PLXDC1: variants seen among roughly 807,000 people sequenced by gnomAD.
PLXDC1 encodes the protein plexin domain-containing protein 1.
Under a neutral mutation model 61.3 loss-of-function variants are expected in PLXDC1, and 39 were observed. That is an observed-to-expected ratio of 0.64 (90% CI 0.49 to 0.83). The LOEUF (loss-of-function observed/expected upper bound fraction) is 0.83. Among genes scored for constraint, PLXDC1 ranks in the 40% least tolerant of loss-of-function variants. PLXDC1 has a pLI of 0.00. For synonymous variants in PLXDC1, 212 were observed against 254.5 expected, an observed-to-expected ratio of 0.83 and a Z score of 1.59; for missense variants, 596 against 666.5, an observed-to-expected ratio of 0.89 and a Z score of 1.17.
intron 9 of PLXDC1, among the ~76,000 whole-genome samples, chr17:39,082,708 C>G (rs1400771090): frequency 6.6e-6 from 1 of 152,200 alleles, no homozygotes; most frequent in Non-Finnish European, 1.5e-5. Flanking sequence ...CATGAGAACT[C>G]TAGTCCCCAA....
At chr17:39,096,695 G>A (rs1291945475) in intron 7 of PLXDC1, among the ~76,000 whole-genome samples, 1 of 152,228 alleles carries the variant, frequency 6.6e-6, no homozygotes, top group African/African-American at 2.4e-5. Flanking sequence ...CTACATTCTG[G>A]AGCTCTTTGT....
At chr17:39,143,659 G>A in intron 1 of PLXDC1, among the ~76,000 whole-genome samples, 1 of 152,242 alleles carries the variant, frequency 6.6e-6, no homozygotes, top group East Asian at 1.9e-4. Flanking sequence ...ATTAGACATT[G>A]TATCCAATTA....
In PLXDC1 at chr17:39,108,645, G is replaced by A. The variant is rs904117673; in HGVS notation, c.469+259C>T. On this transcript the variant is annotated intron_variant, in intron 4 of 13. Coordinates refer to ENST00000315392, the MANE Select transcript of PLXDC1 (RefSeq NM_020405.5). The stretch of plus-strand genomic sequence containing the variant: ...CCTCTCCCTCTTATTCAGCAACTCC[G>A]GGACACAGGGCTGTCCACACTGACT... 24 of 539,842 alleles carry A rather than the reference G, an allele frequency of 4.4e-5. 1 individual carries two copies. In the Admixed American group the frequency reaches 5.0e-4, roughly 11 times the overall value. The allele number at this position is 539,842 out of a possible 1,614,324, so 33.4% of individuals were successfully genotyped here. A position where few individuals can be genotyped will look rare whatever the true frequency, so the allele number is the denominator to read the frequency against.
chr17:39,142,687 GTTA>G (rs1911973151), intron 1 of PLXDC1, among the ~76,000 whole-genome samples: 1 of 152,134 alleles, frequency 6.6e-6, no homozygotes, highest in Non-Finnish European at 1.5e-5. Flanking sequence ...CACCCGGCTA[GTTA>G]TTATTATTTT....
At chr17:39,104,119 T>C (rs892290178) in intron 7 of PLXDC1, among the ~76,000 whole-genome samples, 25 of 152,300 alleles carry the variant, frequency 1.6e-4, no homozygotes, top group African/African-American at 5.5e-4. Context: ...AAGTCTACTG[T>C]AGTGAGATAT....
chr17:39,112,672 A>C (rs1050099866), intron 2 of PLXDC1, among the ~76,000 whole-genome samples: 4 of 151,924 alleles, frequency 2.6e-5, no homozygotes, highest in African/African-American at 9.7e-5. Flanking sequence ...AGCCCCTGAC[A>C]CGCAGGGATG....
chr17:39,124,335 G>A (rs1911255429), intron 2 of PLXDC1, among the ~76,000 whole-genome samples: 1 of 152,368 alleles, frequency 6.6e-6, no homozygotes, highest in South Asian at 2.1e-4. Flanking sequence ...GCTCACGCCT[G>A]TAATCCCAAT....
rs1469449886 is a variant in PLXDC1, at chr17:39,083,917, C to T, written c.908-377G>A. On this transcript the variant is annotated intron_variant, in intron 8 of 13. Transcript: ENST00000315392. ...GTTCCCTGCCTCCCTCGCTTCCTCC[C>T]TCCCTAGCTTCCTTCCTTCTCACTA... Among the ~76,000 whole-genome samples, 4 of 152,176 alleles carry T rather than the reference C, an allele frequency of 2.6e-5. No individual in the cohort carries two copies. The East Asian group carries it at 7.7e-4, about 29-fold the overall frequency.
intron 2 of PLXDC1, among the ~76,000 whole-genome samples, chr17:39,121,703 A>G (rs1271126699): frequency 6.6e-6 from 1 of 152,206 alleles, no homozygotes; most frequent in African/African-American, 2.4e-5. Context: ...GCTCCCAGTT[A>G]TAGCTAGGCA....
intron 11 of PLXDC1, among the ~76,000 whole-genome samples, chr17:39,075,936 G>T (rs532573286): frequency 6.6e-6 from 1 of 152,206 alleles, no homozygotes; most frequent in Admixed American, 6.5e-5. Flanking sequence ...AAATTAGCTG[G>T]GTGTGGTGGT....
rs962071674 is a variant in PLXDC1 at position 39,067,636 on chromosome 17, T to TA, written c.*203dup. 56 of 522,234 alleles carry TA rather than the reference T, an allele frequency of 1.1e-4. No individual in the cohort carries two copies. The highest frequency in any genetic ancestry group is 4.0e-4 in the African/African-American group (21 of 52,776). The allele number at this position is 522,234 out of a possible 1,614,324, so 32.4% of individuals were successfully genotyped here. ...GGATGAGATTAGGTTGTTGTTCCTA[T>TA]AAAAAATCCATGTGGTTGTTTTTTG... On this transcript the variant is annotated 3_prime_UTR_variant, in exon 14 of 14. Transcript: ENST00000315392.
Position 39,137,063 on chromosome 17 carries a change from G to C in PLXDC1, c.255+2591C>G, listed in dbSNP as rs188882088. Among the ~76,000 whole-genome samples the C allele has an allele frequency of 3.1e-4, 47 of 152,266 alleles. No individual in the cohort carries two copies. In the East Asian group the frequency reaches 8.1e-3, roughly 26 times the overall value. ...GAAACAGTCCCCCAACGTCCAGCAT[G>C]GCAAACAAAAACAGCCAGAGAAGGT... On this transcript the variant is annotated intron_variant, in intron 2 of 13. Coordinates refer to ENST00000315392, the MANE Select transcript of PLXDC1 (RefSeq NM_020405.5).
intron 4 of PLXDC1, chr17:39,108,653 G>A (rs1910682625): frequency 1.8e-6 from 1 of 556,660 alleles, no homozygotes; most frequent in Admixed American, 3.1e-5. Flanking sequence ...CCGGGACACA[G>A]GGCTGTCCAC....
At chr17:39,134,123 A>C (rs183082921) in intron 2 of PLXDC1, among the ~76,000 whole-genome samples, 1 of 151,868 alleles carries the variant, frequency 6.6e-6, no homozygotes, top group African/African-American at 2.4e-5. Context: ...GCGTGGTGGC[A>C]GGCGCCTGTA....
chr17:39,124,052 G>A (rs1290411273), intron 2 of PLXDC1, among the ~76,000 whole-genome samples: 1 of 152,098 alleles, frequency 6.6e-6, no homozygotes, highest in Non-Finnish European at 1.5e-5. Context: ...AGCCTTACAA[G>A]GCCAACAGAA....
intron 7 of PLXDC1, chr17:39,097,028 C>T (rs1365780913): frequency 2.1e-6 from 1 of 470,932 alleles, no homozygotes; most frequent in African/African-American, 2.0e-5. Flanking sequence ...GGTTTTCAGC[C>T]TCTTCTACCC....
intron 7 of PLXDC1, among the ~76,000 whole-genome samples, chr17:39,092,873 G>C (rs1448823646): frequency 1.3e-5 from 2 of 151,952 alleles, no homozygotes; most frequent in African/African-American, 4.8e-5. Flanking sequence ...CAATTTCTGT[G>C]GTGTAAATAC....
In PLXDC1 at chr17:39,118,084, CCCTTCCTT is replaced by C. The variant is rs56223337; in HGVS notation, c.256-8701_256-8694del. Among the ~76,000 whole-genome samples the C allele has an allele frequency of 5.8e-3, 585 of 101,724 alleles. 7 individuals are homozygous for C. Among genetic ancestry groups the C allele is most frequent in the East Asian group, 0.047 (174 of 3,688 alleles). 66.7% of individuals were successfully genotyped at this position (101,724 alleles called of 152,430 possible). A position where few individuals can be genotyped will look rare whatever the true frequency, so the allele number is the denominator to read the frequency against. On this transcript the variant is annotated intron_variant, in intron 2 of 13. Coordinates refer to ENST00000315392, the MANE Select transcript of PLXDC1 (RefSeq NM_020405.5). ...TCCTTCCCTCCCTCCCTCCCTCCCT[CCCTTCCTT>C]CCTTCCTTCCTTCCTTCCTCTCTCT...
intron 2 of PLXDC1, among the ~76,000 whole-genome samples, chr17:39,124,584 C>A (rs755111625): frequency 2.6e-5 from 4 of 152,170 alleles, no homozygotes; most frequent in Non-Finnish European, 5.9e-5. Context: ...CAGAGCAAGA[C>A]CCTATCTCAA....
Sources: gnomAD v4.1 joint callset for allele counts (sites outside exome capture counted in the v4.1 genomes callset) on GRCh38, gnomAD v4.1.1 for gene constraint, MANE v1.5 for transcripts, NCBI Gene and HGNC (gene_info 2026-07-23, HGNC 2026-07-21) for gene names.